The following AHI1 variants were observed in gnomAD, a reference collection of about 807,000 sequenced individuals.
AHI1 encodes the protein Abelson helper integration site 1, also known as jouberin.
Under a neutral mutation model 149.3 loss-of-function variants are expected in AHI1, and 123 were observed. The ratio of observed to expected loss-of-function variants is 0.82; its 90% CI spans 0.71 to 0.96. The LOEUF is 0.96. Among genes scored for constraint, AHI1 ranks in the 40% least tolerant of loss-of-function variants. The probability of loss-of-function intolerance (pLI) is 0.00; values close to 1 mark genes in which losing one functional copy is unlikely to be tolerated. For synonymous variants in AHI1, 475 were observed against 459.8 expected (o/e 1.03, Z -0.42); for missense variants, 1,439 against 1,422.7 (o/e 1.01, Z -0.18).
chr6:135,357,294 T>C (rs1793143255), intron 24 of AHI1, among the ~76,000 whole-genome samples: 1 of 152,208 alleles, frequency 6.6e-6, no homozygotes, highest in Non-Finnish European at 1.5e-5. Flanking sequence ...ACCTGAAATA[T>C]GAAATCCTCC....
chr6:135,431,872 T>C (rs1784710752), intron 16 of AHI1, among the ~76,000 whole-genome samples: 1 of 152,180 alleles, frequency 6.6e-6, no homozygotes, highest in Non-Finnish European at 1.5e-5. Flanking sequence ...CAGTATTTTA[T>C]AAAACAGCTA....
intron 27 of AHI1, among the ~76,000 whole-genome samples, chr6:135,292,551 C>G (rs1782495877): frequency 6.6e-6 from 1 of 152,168 alleles, no homozygotes; most frequent in Non-Finnish European, 1.5e-5. Context: ...CGATGAAGAT[C>G]TGCAAAAGGT....
At position 135,453,452 on chromosome 6, in the gene AHI1, C is replaced by A; in HGVS notation, c.1345-16G>T. On this transcript the variant is annotated splice_polypyrimidine_tract_variant and intron_variant, in intron 10 of 28. Coordinates refer to ENST00000265602, the MANE Select transcript of AHI1 (RefSeq NM_001134831.2). Reference sequence around the variant, plus strand: ...AATCAAGAATCTGCAAATAAATTCACAGAAGACTAAGCTACCTAAAATTTA... The same window carrying A: ...AATCAAGAATCTGCAAATAAATTCAAAGAAGACTAAGCTACCTAAAATTTA... 1 of 1,505,234 alleles carries A rather than the reference C, an allele frequency of 6.6e-7. No individual in the cohort carries two copies. The allele number at this position is 1,505,234 out of a possible 1,614,324, so 93.2% of individuals were successfully genotyped here. A position where few individuals can be genotyped will look rare whatever the true frequency, so the allele number is the denominator to read the frequency against.
At chr6:135,419,052 A>T (rs531176871) in intron 20 of AHI1, among the ~76,000 whole-genome samples, 7 of 152,002 alleles carry the variant, frequency 4.6e-5, no homozygotes, top group Admixed American at 2.6e-4. Context: ...TAACACTTCA[A>T]TTCTGGTAGC....
rs567171965 is a variant in AHI1, at chr6:135,466,293, C to T, written c.270G>A (p.Leu90=). The change falls in exon 7 of 29, where the codon CTG becomes CTA. Residue 90 remains leucine (L), a synonymous_variant. Coordinates refer to ENST00000265602, the MANE Select transcript of AHI1 (RefSeq NM_001134831.2). ...DDVSAANTNN[L]KKSTRVTKNK... Reference sequence around the variant, plus strand: ...TTTTAGTGACTCTCGTGCTCTTCTTCAGGTTGTTAGTGTTAGCAGCACTTA... The same window carrying T: ...TTTTAGTGACTCTCGTGCTCTTCTTTAGGTTGTTAGTGTTAGCAGCACTTA... 6.2e-7 allele frequency: 1 copy of T among 1,613,916 alleles called. No homozygotes were observed.
chr6:135,284,518 C>A lies in AHI1; in HGVS notation c.*1127G>T, dbSNP rs1311873159. 1.3e-5 allele frequency: 2 copies of A among 151,934 alleles called. No homozygotes were observed. The highest frequency in any genetic ancestry group is 2.4e-5 in the African/African-American group (1 of 41,358). 9.4% of individuals were successfully genotyped at this position (151,934 alleles called of 1,614,324 possible). On this transcript the variant is annotated 3_prime_UTR_variant, in exon 29 of 29. Coordinates refer to ENST00000265602, the MANE Select transcript of AHI1 (RefSeq NM_001134831.2). Reference sequence around the variant, plus strand: ...CAAGAAAAGAACAAAAAATGAATATCCCATTATAATATCAAACTTCAAAAC... The same window carrying A: ...CAAGAAAAGAACAAAAAATGAATATACCATTATAATATCAAACTTCAAAAC...
intron 10 of AHI1, 98 bp downstream of exon 10, chr6:135,455,633 CTTT>C: frequency 1.2e-6 from 1 of 805,512 alleles, no homozygotes; most frequent in Non-Finnish European, 1.7e-6. Flanking sequence ...TCTCACACAA[CTTT>C]TTTTTTTGCC....
At chr6:135,428,889 A>T in intron 18 of AHI1, 130 bp from the exon 19 acceptor site, 1 of 765,248 alleles carries the variant, frequency 1.3e-6, no homozygotes, top group Non-Finnish European at 2.0e-6. Flanking sequence ...CATATGGGAG[A>T]CATTCTATAA....
intron 26 of AHI1, among the ~76,000 whole-genome samples, chr6:135,313,400 A>C (rs1264930944): frequency 1.3e-5 from 2 of 152,228 alleles, no homozygotes; most frequent in Admixed American, 6.5e-5. Context: ...CCATGAGAAC[A>C]TTCCTACTCC....
At chr6:135,398,728 A>T (rs554377611) in intron 22 of AHI1, among the ~76,000 whole-genome samples, 1 of 152,274 alleles carries the variant, frequency 6.6e-6, no homozygotes, top group East Asian at 1.9e-4. Flanking sequence ...TCACAGAGAA[A>T]ATTTGGTCTT....
In AHI1 at chr6:135,438,324, T is replaced by C. The variant is rs1371861435; in HGVS notation, c.2036+51A>G. ...TTACATCAGTTTATATTCTCTTTGC[T>C]TTCCTTGACAGCAAACAGCATGCAC... On this transcript the variant is annotated intron_variant, in intron 15 of 28. Transcript: ENST00000265602. The C allele has an allele frequency of 2.0e-6, 3 of 1,463,764 alleles. No individual in the cohort carries two copies. In the Admixed American group the frequency reaches 6.1e-5, roughly 30 times the overall value. The allele number at this position is 1,463,764 out of a possible 1,614,324, so 90.7% of individuals were successfully genotyped here. A position where few individuals can be genotyped will look rare whatever the true frequency, so the allele number is the denominator to read the frequency against.
intron 23 of AHI1, among the ~76,000 whole-genome samples, chr6:135,366,903 T>C (rs754328285): frequency 3.9e-5 from 6 of 152,204 alleles, no homozygotes; most frequent in Non-Finnish European, 7.3e-5. Flanking sequence ...CAGATGATTG[T>C]AGGCATTTAC....
At chr6:135,439,396 G>A (rs1479081936) in intron 14 of AHI1, among the ~76,000 whole-genome samples, 1 of 152,186 alleles carries the variant, frequency 6.6e-6, no homozygotes, top group African/African-American at 2.4e-5. Flanking sequence ...CTTAGTAGCT[G>A]TCTCAGTTAT....
rs1380447154 is a variant in AHI1 at position 135,302,474 on chromosome 6, A to G, written c.3427-1916T>C. 8.9e-6 allele frequency: 9 copies of G among 1,013,390 alleles called. No homozygotes were observed. The East Asian group carries it at 6.9e-4, about 77-fold the overall frequency. 62.8% of individuals were successfully genotyped at this position (1,013,390 alleles called of 1,614,324 possible). ...GTTCATGTGAAATGGATGCTGTGAT[A>G]TCCTCAGAAAGTTTGTCTTAGGTAT... On this transcript the variant is annotated intron_variant, in intron 26 of 28. Coordinates refer to ENST00000265602, the MANE Select transcript of AHI1 (RefSeq NM_001134831.2).
At chr6:135,319,107 T>C (rs1365514419) in intron 25 of AHI1, among the ~76,000 whole-genome samples, 1 of 152,176 alleles carries the variant, frequency 6.6e-6, no homozygotes, top group African/African-American at 2.4e-5. Context: ...GATGTGGGGA[T>C]GGAAAATGCT....
intron 23 of AHI1, among the ~76,000 whole-genome samples, chr6:135,359,415 C>G (rs1326257663): frequency 6.6e-6 from 1 of 152,124 alleles, no homozygotes; most frequent in Middle Eastern, 3.2e-3. Flanking sequence ...AGAGTTTCAT[C>G]TTAAGTGTAA....
At chr6:135,323,459 T>G (rs933609441) in intron 24 of AHI1, 135 bp from the exon 25 acceptor site, 1 of 838,420 alleles carries the variant, frequency 1.2e-6, no homozygotes, top group African/African-American at 1.7e-5. Flanking sequence ...GTCTCAAGGT[T>G]TGCTAATGGG....
chr6:135,394,293 A>G (rs541321950), intron 23 of AHI1, among the ~76,000 whole-genome samples: 13 of 152,216 alleles, frequency 8.5e-5, no homozygotes, highest in Middle Eastern at 3.4e-3. Flanking sequence ...ACAATTGTAT[A>G]GTTCACTTCA....
At chr6:135,464,602 G>A (rs1458742850) in intron 7 of AHI1, among the ~76,000 whole-genome samples, 1 of 152,128 alleles carries the variant, frequency 6.6e-6, no homozygotes, top group African/African-American at 2.4e-5. Context: ...TGTGACTTCT[G>A]TCTTGCTCTC....
Sources: gnomAD v4.1 joint callset for allele counts (sites outside exome capture counted in the v4.1 genomes callset) on GRCh38, gnomAD v4.1.1 for gene constraint, MANE v1.5 for transcripts, NCBI Gene and HGNC (gene_info 2026-07-23, HGNC 2026-07-21) for gene names.